SMAD1: variants seen among roughly 807,000 people sequenced by gnomAD.
The protein encoded by SMAD1 is SMAD family member 1.
A neutral mutation model predicts 41.6 loss-of-function variants in SMAD1; 6 were observed. The ratio of observed to expected loss-of-function variants is 0.14; its 90% CI spans 0.08 to 0.28. The LOEUF (loss-of-function observed/expected upper bound fraction) is 0.28, where lower values mean the gene tolerates loss of function less well. Among genes scored for constraint, SMAD1 ranks in the 10% least tolerant of loss-of-function variants. SMAD1 has a pLI of 1.00. For missense variants in SMAD1, 379 were observed against 582.6 expected, an observed-to-expected ratio of 0.65 and a Z score of 3.60; for synonymous variants, 206 against 203.2, an observed-to-expected ratio of 1.01 and a Z score of -0.12.
intron 6 of SMAD1, among the ~76,000 whole-genome samples, chr4:145,555,043 A>G (rs190839386): frequency 6.6e-6 from 1 of 152,254 alleles, no homozygotes; most frequent in East Asian, 1.9e-4. Context: ...AAAGCATCTT[A>G]GATTTTCAGT....
rs372457981 is a variant in SMAD1, at chr4:145,554,054, G to A, written c.1254+14G>A. On this transcript the variant is annotated intron_variant, in intron 6 of 6. Coordinates refer to ENST00000302085, the MANE Select transcript of SMAD1 (RefSeq NM_005900.3). The stretch of plus-strand genomic sequence containing the variant: ...AGCTTTGTGAAGGTAAGTGAGCTCC[G>A]ACTCCTCCATTTAGGGCCTAACATA... The A allele has an allele frequency of 3.7e-5, 59 of 1,602,230 alleles. No homozygotes were observed. Among genetic ancestry groups the A allele is most frequent in the Non-Finnish European group, 4.4e-5 (51 of 1,172,322 alleles).
At chr4:145,505,295 T>C (rs951027514) in intron 1 of SMAD1, among the ~76,000 whole-genome samples, 2 of 152,268 alleles carry the variant, frequency 1.3e-5, no homozygotes, top group African/African-American at 4.8e-5. Flanking sequence ...CTATCCAAAA[T>C]TGGATGTTAG....
At position 145,542,582 on chromosome 4, in the gene SMAD1, C is replaced by A; in HGVS notation, c.659C>A (p.Ala220Asp). 1 of 1,592,334 alleles carries A rather than the reference C, an allele frequency of 6.3e-7. No individual in the cohort carries two copies. Among genetic ancestry groups the A allele is most frequent in the Non-Finnish European group, 8.6e-7 (1 of 1,168,712 alleles). The change falls in exon 4 of 7, where the codon GCT (alanine) becomes GAT (aspartate). Residue 220 changes from alanine to aspartate, a missense_variant and splice_region_variant. Ala to Asp is a moderately radical substitution (Grantham distance 126, BLOSUM62 -2). This residue lies in a region of SMAD1 where 208 missense variants were observed against 210.5 expected (regional missense o/e 0.99). Transcript: ENST00000302085. ...SDPGSPFQMP[A>D]DTPPPAYLPP... ...AATAACTTCTTTAAAAACTTTGTAG[C>A]TGATACGCCCCCACCTGCTTACCTG...
chr4:145,515,408 A>G (rs1012456917), intron 2 of SMAD1, among the ~76,000 whole-genome samples: 8 of 152,162 alleles, frequency 5.3e-5, no homozygotes, highest in African/African-American at 1.4e-4. Context: ...AAGGGAAGAA[A>G]ATTAGGAAAG....
intron 6 of SMAD1, among the ~76,000 whole-genome samples, chr4:145,557,175 G>T (rs1212305577): frequency 6.6e-6 from 1 of 152,112 alleles, no homozygotes; most frequent in Non-Finnish European, 1.5e-5. Flanking sequence ...TTATTCTATG[G>T]AACTGTATTG....
intron 1 of SMAD1, among the ~76,000 whole-genome samples, chr4:145,498,409 T>C (rs1227710172): frequency 6.6e-6 from 1 of 152,220 alleles, no homozygotes; most frequent in East Asian, 1.9e-4. Context: ...TTTTTTTTCC[T>C]TTATACAAAG....
chr4:145,521,326 A>AT (rs373355944), intron 2 of SMAD1, among the ~76,000 whole-genome samples: 86 of 149,136 alleles, frequency 5.8e-4, no homozygotes, highest in South Asian at 1.3e-3. Context: ...GCCATTGGCC[A>AT]TTTTTTTTTT....
In SMAD1 at chr4:145,514,464, A is replaced by C; in HGVS notation, c.-150A>C. On this transcript the variant is annotated 5_prime_UTR_variant, in exon 2 of 7. Transcript: ENST00000302085. The surrounding 1 kb of genome is among the most constrained non-coding windows in gnomAD (Gnocchi z 4.7). ...TGCTGACTGGGTTACTTTTTTAAAC[A>C]CTAGGAATGGTAATTTCTACTCTTC... 3 of 713,976 alleles carry C rather than the reference A, an allele frequency of 4.2e-6. No homozygotes were observed. Among genetic ancestry groups the C allele is most frequent in the Non-Finnish European group, 6.6e-6 (3 of 451,518 alleles). The allele number at this position is 713,976 out of a possible 1,614,324, so 44.2% of individuals were successfully genotyped here. A position where few individuals can be genotyped will look rare whatever the true frequency, so the allele number is the denominator to read the frequency against.
Position 145,482,110 on chromosome 4 carries a change from C to CCCCTCCACATCCCGCACGGG in SMAD1, c.-177+72_-177+73insCCCTCCACATCCCGCACGGG. On this transcript the variant is annotated intron_variant, in intron 1 of 6. Transcript: ENST00000302085. The surrounding 1 kb of genome is among the most constrained non-coding windows in gnomAD (Gnocchi z 4.2). Reference sequence around the variant, plus strand: ...CCAGCCCTCCCCTCGGCGCCCCGGGCTTTCCAGCGCCGCCGCCGCCGTCTC... The same window carrying CCCCTCCACATCCCGCACGGG: ...CCAGCCCTCCCCTCGGCGCCCCGGGCCCCTCCACATCCCGCACGGGTTTCCAGCGCCGCCGCCGCCGTCTC... 1 of 152,182 alleles carries CCCCTCCACATCCCGCACGGG rather than the reference C, an allele frequency of 6.6e-6. No homozygotes were observed. The highest frequency in any genetic ancestry group is 2.0e-4 in the East Asian group (1 of 5,124). 9.4% of individuals were successfully genotyped at this position (152,182 alleles called of 1,614,324 possible).
At chr4:145,512,081 T>C (rs544569577) in intron 1 of SMAD1, among the ~76,000 whole-genome samples, 20 of 152,366 alleles carry the variant, frequency 1.3e-4, no homozygotes, top group African/African-American at 4.3e-4. Context: ...ATGATGTCAT[T>C]TCATTGTCTT....
intron 1 of SMAD1, among the ~76,000 whole-genome samples, chr4:145,494,076 C>T (rs1453519633): frequency 3.9e-5 from 6 of 152,284 alleles, no homozygotes; most frequent in East Asian, 3.9e-4. Context: ...ATTCTCCTGC[C>T]TCAGCATCCT....
intron 1 of SMAD1, among the ~76,000 whole-genome samples, chr4:145,502,457 G>A (rs1729501626): frequency 6.6e-6 from 1 of 152,190 alleles, no homozygotes; most frequent in Non-Finnish European, 1.5e-5. Context: ...AACTATTCAA[G>A]TAATCATCTA....
chr4:145,541,751 T>G (rs1453128436), intron 3 of SMAD1, among the ~76,000 whole-genome samples: 1 of 152,204 alleles, frequency 6.6e-6, no homozygotes. Flanking sequence ...CACGATTCCC[T>G]CAGGTAAAAT....
intron 4 of SMAD1, chr4:145,545,415 G>A (rs1183838970): frequency 6.6e-6 from 1 of 152,144 alleles, no homozygotes; most frequent in Non-Finnish European, 1.5e-5. Flanking sequence ...CTAAAGTTTT[G>A]CTCTTTGAAT....
intron 5 of SMAD1, among the ~76,000 whole-genome samples, chr4:145,552,502 T>A (rs59971057): frequency 1.3e-5 from 2 of 152,154 alleles, no homozygotes; most frequent in Non-Finnish European, 2.9e-5. Context: ...TTCCTTTTTT[T>A]AAAGGCAGGG....
chr4:145,550,541 AAAG>A (rs1194332305), intron 5 of SMAD1, among the ~76,000 whole-genome samples: 5 of 152,184 alleles, frequency 3.3e-5, no homozygotes, highest in African/African-American at 1.2e-4. Context: ...AATTAAAACA[AAAG>A]AGATAAATAA....
chr4:145,536,312 A>C (rs1259451548), intron 2 of SMAD1, among the ~76,000 whole-genome samples: 1 of 152,296 alleles, frequency 6.6e-6, no homozygotes, highest in East Asian at 1.9e-4. Flanking sequence ...TTTGGTTTCT[A>C]AATACTATTC....
intron 1 of SMAD1, among the ~76,000 whole-genome samples, chr4:145,488,669 CTTTTG>C (rs1371697045): frequency 6.6e-6 from 1 of 151,878 alleles, no homozygotes; most frequent in African/African-American, 2.4e-5. Context: ...AATGCAAGAT[CTTTTG>C]TTTGTTTAGA....
At position 145,546,675 on chromosome 4, in the gene SMAD1, G is replaced by A. The variant is rs758221343; in HGVS notation, c.776-28G>A. 16 of 1,542,736 alleles carry A rather than the reference G, an allele frequency of 1.0e-5. No homozygotes were observed. In the South Asian group the frequency reaches 1.5e-4, roughly 14 times the overall value. On this transcript the variant is annotated intron_variant, in intron 4 of 6. Coordinates refer to ENST00000302085, the MANE Select transcript of SMAD1 (RefSeq NM_005900.3). ...TTTGAGAGCCTGAGGCACTAACCTTGGTTGATATAACATTTTCTTTCCTCT... is the reference window on the plus strand; with the variant it reads ...TTTGAGAGCCTGAGGCACTAACCTTAGTTGATATAACATTTTCTTTCCTCT...
Sources: gnomAD v4.1 joint callset for allele counts (sites outside exome capture counted in the v4.1 genomes callset) on GRCh38, gnomAD v4.1.1 for gene constraint, gnomAD v4.1.1 regional missense constraint, Gnocchi (gnomAD v3.1) non-coding constraint, MANE v1.5 for transcripts, NCBI Gene and HGNC (gene_info 2026-07-23, HGNC 2026-07-21) for gene names.